The following SEPTIN6 variants were observed in gnomAD, a reference collection of about 807,000 sequenced individuals.
SEPTIN6 encodes the protein septin 6, also known as septin-6.
In SEPTIN6, 8 loss-of-function variants were observed where a neutral mutation model predicts 33.6. That is an observed-to-expected ratio of 0.24 (90% CI 0.14 to 0.43). The LOEUF (loss-of-function observed/expected upper bound fraction) is 0.43, where lower values mean the gene tolerates loss of function less well. SEPTIN6 is among the 20% of genes least tolerant of loss of function. The pLI, the probability that SEPTIN6 is intolerant of heterozygous loss-of-function variation, is 1.00. For missense variants in SEPTIN6, 250 were observed against 340.8 expected, an observed-to-expected ratio of 0.73 and a Z score of 2.10; for synonymous variants, 131 against 140.0, an observed-to-expected ratio of 0.94 and a Z score of 0.45.
chrX:119,640,203 T>A (rs867333893), intron 6 of SEPTIN6, among the ~76,000 whole-genome samples: 2 of 89,804 alleles, frequency 2.2e-5, no homozygotes, highest in African/African-American at 8.4e-5. Context: ...GTATTTTTAG[T>A]AGAGATGGGG....
Position 119,621,446 on chromosome X carries a change from GGTGTGTGTGTGTGTGTGT to G in SEPTIN6, c.*42-1413_*42-1396del, listed in dbSNP as rs34517524. 5.6e-3 allele frequency among the ~76,000 whole-genome samples: 353 copies of G among 63,486 alleles called. 3 individuals carry two copies. The highest frequency in any genetic ancestry group is 8.6e-3 in the Non-Finnish European group (294 of 34,264). The allele number at this position is 63,486 out of a possible 115,157, so 55.1% of individuals were successfully genotyped here. ...AAGAGTCACAGCTGGGCCCAGAGCT[GGTGTGTGTGTGTGTGTGT>G]GTGTGTGTGTGTGTGTGTGTGTGTG... is the stretch of plus-strand genomic sequence containing the variant. On this transcript the variant is annotated intron_variant, in intron 10 of 10. Coordinates refer to ENST00000394610, the MANE Select transcript of SEPTIN6 (RefSeq NM_145799.4).
intron 2 of SEPTIN6, 86 bp from the exon 3 acceptor site, chrX:119,663,763 A>T (rs190436755): frequency 2.2e-5 from 16 of 743,403 alleles, no homozygotes; most frequent in Middle Eastern, 6.1e-4. Flanking sequence ...ACATTTGTTG[A>T]CACGGGAAAA....
rs186193225 is a variant in SEPTIN6, at chrX:119,653,028, G to A, written c.354C>T (p.Ile118=). Residue 118 remains isoleucine (I), a synonymous_variant, in exon 4 of 11, where the codon ATC becomes ATT. Coordinates refer to ENST00000394610, the MANE Select transcript of SEPTIN6 (RefSeq NM_145799.4). ...CGAATTGTGCATCGATGAATTCCAC[G>A]ATAGGCTTGTAGCTAAAAGGGAGAG... ...QINKEDSYKP[I]VEFIDAQFEA... The A allele has an allele frequency of 8.5e-5, 103 of 1,206,270 alleles. No individual in the cohort carries two copies. In the East Asian group the frequency reaches 1.4e-3, roughly 16 times the overall value.
chrX:119,675,741 A>C, intron 1 of SEPTIN6, 73 bp from the exon 2 acceptor site: 9 of 578,539 alleles, frequency 1.6e-5, no homozygotes, highest in South Asian at 5.1e-5. Flanking sequence ...CTCCATCCAA[A>C]TGTTCGCTGT....
intron 1 of SEPTIN6, among the ~76,000 whole-genome samples, chrX:119,678,681 C>G (rs1219628701): frequency 4.5e-5 from 5 of 111,491 alleles, no homozygotes; most frequent in African/African-American, 1.6e-4. Context: ...AGTTCTTGGT[C>G]CGCAACGCTG....
intron 2 of SEPTIN6, among the ~76,000 whole-genome samples, chrX:119,667,407 C>T (rs943543401): frequency 4.5e-5 from 5 of 111,351 alleles, no homozygotes; most frequent in Non-Finnish European, 5.7e-5. Context: ...AATGACCACC[C>T]AAATGCCTGC....
At position 119,618,681 on chromosome X, in the gene SEPTIN6, C is replaced by T. The variant is rs2053702693; in HGVS notation, c.*1412G>A. On this transcript the variant is annotated 3_prime_UTR_variant, in exon 11 of 11. Transcript: ENST00000394610. Reference sequence around the variant, plus strand: ...GGTGGGGGGCCTCGCTGCCTGGCACCCCAAAGGAAAGCTGTCAGTTAAAAT... The same window carrying T: ...GGTGGGGGGCCTCGCTGCCTGGCACTCCAAAGGAAAGCTGTCAGTTAAAAT... 8.4e-7 allele frequency: 1 copy of T among 1,192,534 alleles called. No homozygotes were observed. Among genetic ancestry groups the T allele is most frequent in the East Asian group, 3.0e-5 (1 of 32,922 alleles).
At chrX:119,653,291 C>T (rs2054380111) in intron 3 of SEPTIN6, among the ~76,000 whole-genome samples, 2 of 111,776 alleles carry the variant, frequency 1.8e-5, no homozygotes, top group African/African-American at 6.5e-5. Flanking sequence ...CCCAATTCTG[C>T]CCTCCCAGAC....
chrX:119,622,317 A>G lies in SEPTIN6; in HGVS notation c.*42-2266T>C, dbSNP rs143617482. On this transcript the variant is annotated intron_variant, in intron 10 of 10. Coordinates refer to ENST00000394610, the MANE Select transcript of SEPTIN6 (RefSeq NM_145799.4). ...ATCGCTTTTACAAATGCAGAGAGCT[A>G]TAAGTAGTGCCTCAAGCAATTTCAA... 3.3e-3 allele frequency among the ~76,000 whole-genome samples: 374 copies of G among 111,761 alleles called. 2 individuals carry two copies. Among genetic ancestry groups the G allele is most frequent in the African/African-American group, 0.011 (346 of 30,810 alleles).
chrX:119,686,304 G>T (rs1412266741), intron 1 of SEPTIN6, among the ~76,000 whole-genome samples: 1 of 111,245 alleles, frequency 9.0e-6, no homozygotes, highest in East Asian at 2.8e-4. Context: ...AAAGGAAACC[G>T]AACACGACCT....
At chrX:119,665,276 G>A (rs920681496) in intron 2 of SEPTIN6, among the ~76,000 whole-genome samples, 14 of 109,433 alleles carry the variant, frequency 1.3e-4, no homozygotes, top group Non-Finnish European at 2.5e-4. Flanking sequence ...GCTAATTTTT[G>A]TATTTTCAGT....
At position 119,617,556 on chromosome X, in the gene SEPTIN6, C is replaced by G; in HGVS notation, c.*2537G>C. On this transcript the variant is annotated 3_prime_UTR_variant, in exon 11 of 11. Coordinates refer to ENST00000394610, the MANE Select transcript of SEPTIN6 (RefSeq NM_145799.4). ...TGCCAGCCCTCACCCAATCCATCTT[C>G]AGATGTTTTTCTGTGGAAAAAAACC... The G allele has an allele frequency of 1.2e-6, 1 of 803,970 alleles. No individual in the cohort carries two copies. The allele number at this position is 803,970 out of a possible 1,213,427, so 66.3% of individuals were successfully genotyped here. A position where few individuals can be genotyped will look rare whatever the true frequency, so the allele number is the denominator to read the frequency against.
At chrX:119,680,562 T>C (rs1240905704) in intron 1 of SEPTIN6, among the ~76,000 whole-genome samples, 4 of 110,749 alleles carry the variant, frequency 3.6e-5, no homozygotes, top group South Asian at 3.8e-4. Flanking sequence ...CAGTGTCCAA[T>C]ACACCTAAAT....
chrX:119,621,798 C>A (rs1391046372), intron 10 of SEPTIN6, among the ~76,000 whole-genome samples: 3 of 78,775 alleles, frequency 3.8e-5, no homozygotes, highest in African/African-American at 1.3e-4. Context: ...AGCCAACTCT[C>A]TTAAAAAAAA....
intron 3 of SEPTIN6, among the ~76,000 whole-genome samples, chrX:119,655,874 G>A (rs1038398756): frequency 3.6e-5 from 4 of 112,124 alleles, no homozygotes; most frequent in African/African-American, 1.3e-4. Context: ...TGCAGACATA[G>A]GTAACAATCT....
chrX:119,649,777 G>A (rs113644120), intron 5 of SEPTIN6, among the ~76,000 whole-genome samples, 160 bp downstream of exon 5: 2,537 of 109,951 alleles, frequency 0.023, 76 homozygotes, highest in African/African-American at 0.077. Context: ...AGGCTAAGGC[G>A]GGAGGATCCC....
rs370725186 is a variant in SEPTIN6, at chrX:119,627,712, T to C, written c.1280+1606A>G. 4.6e-4 allele frequency among the ~76,000 whole-genome samples: 50 copies of C among 108,753 alleles called. No individual in the cohort carries two copies. The East Asian group carries it at 6.0e-3, about 13-fold the overall frequency. The allele number at this position is 108,753 out of a possible 115,157, so 94.4% of individuals were successfully genotyped here. A position where few individuals can be genotyped will look rare whatever the true frequency, so the allele number is the denominator to read the frequency against. On this transcript the variant is annotated intron_variant, in intron 9 of 10. Transcript: ENST00000394610. ...ATGGAGAGGTGAGCAACCTCAGATA[T>C]AGGGCAAGGGTGGGGAGAGGGTGCA...
rs1000907155 is a variant in SEPTIN6 at position 119,631,340 on chromosome X, C to T, written c.1090-1832G>A. Reference sequence around the variant, plus strand: ...GGACTACAGGCACGTGCTACCACTCCTGGCTAATTTTTTGTATTTTTAGTA... The same window carrying T: ...GGACTACAGGCACGTGCTACCACTCTTGGCTAATTTTTTGTATTTTTAGTA... On this transcript the variant is annotated intron_variant, in intron 8 of 10. Coordinates refer to ENST00000394610, the MANE Select transcript of SEPTIN6 (RefSeq NM_145799.4). 8.2e-5 allele frequency among the ~76,000 whole-genome samples: 9 copies of T among 109,419 alleles called. No individual in the cohort carries two copies. In the Admixed American group the frequency reaches 8.8e-4, roughly 11 times the overall value.
Position 119,619,970 on chromosome X carries a change from C to T in SEPTIN6, c.*123G>A. 1 of 1,199,861 alleles carries T rather than the reference C, an allele frequency of 8.3e-7. No individual in the cohort carries two copies. Among genetic ancestry groups the T allele is most frequent in the East Asian group, 3.0e-5 (1 of 33,609 alleles). ...AGGGCGCGGGTTGGATTGTATGCCC[C>T]CCAGGCATGTTAAGGGGGAAATTAG... On this transcript the variant is annotated 3_prime_UTR_variant, in exon 11 of 11. Transcript: ENST00000394610.
Sources: gnomAD v4.1 joint callset for allele counts (sites outside exome capture counted in the v4.1 genomes callset) on GRCh38, gnomAD v4.1.1 for gene constraint, MANE v1.5 for transcripts, NCBI Gene and HGNC (gene_info 2026-07-23, HGNC 2026-07-21) for gene names.